CCDC149: variants seen among roughly 807,000 people sequenced by gnomAD.
The protein encoded by CCDC149 is coiled-coil domain-containing protein 149.
Under a neutral mutation model 59.9 loss-of-function variants are expected in CCDC149, and 45 were observed. The observed-to-expected ratio is 0.75, with a 90% confidence interval of 0.59 to 0.96. The LOEUF is 0.96. Ranked by LOEUF, CCDC149 falls within the 40% of genes least tolerant of loss-of-function variation. The probability of loss-of-function intolerance (pLI) is 0.00; values close to 1 mark genes in which losing one functional copy is unlikely to be tolerated. For synonymous variants in CCDC149, 245 were observed against 260.6 expected (o/e 0.94, Z 0.58); for missense variants, 584 against 664.7 (o/e 0.88, Z 1.33).
At chr4:24,962,006 C>G (rs1007189356) in intron 1 of CCDC149, among the ~76,000 whole-genome samples, 17 of 151,264 alleles carry the variant, frequency 1.1e-4, no homozygotes, top group Admixed American at 4.6e-4. Context: ...AAGAAACCAC[C>G]ATCAGAGTGA....
At chr4:24,899,109 G>A (rs893981395) in intron 1 of CCDC149, among the ~76,000 whole-genome samples, 1 of 152,182 alleles carries the variant, frequency 6.6e-6, no homozygotes, top group Admixed American at 6.5e-5. Context: ...ATGGAGGAAA[G>A]ATCTTCCTAG....
At chr4:24,905,410 CGTGCGTGTGTGTGTGTGTGT>C (rs1485477102) in intron 1 of CCDC149, among the ~76,000 whole-genome samples, 2 of 93,820 alleles carry the variant, frequency 2.1e-5, no homozygotes, top group East Asian at 3.6e-4. Flanking sequence ...TTTTTGCGTG[CGTGCGTGTGTGTGTGTGTGT>C]GTGTGTGTGT....
At chr4:24,929,281 G>A (rs989126017) in intron 1 of CCDC149, among the ~76,000 whole-genome samples, 1 of 152,164 alleles carries the variant, frequency 6.6e-6, no homozygotes, top group African/African-American at 2.4e-5. Context: ...CAGGGAGTGG[G>A]AATCGGCTCT....
intron 3 of CCDC149, among the ~76,000 whole-genome samples, chr4:24,868,690 G>A (rs970880454): frequency 1.3e-5 from 2 of 152,122 alleles, no homozygotes; most frequent in Non-Finnish European, 2.9e-5. Context: ...ATGAAGGGAC[G>A]GTCACTTTTG....
In CCDC149 at chr4:24,815,152, G is replaced by C. The variant is rs547763235; in HGVS notation, c.1192+4707C>G. On this transcript the variant is annotated intron_variant, in intron 12 of 12. Coordinates refer to ENST00000635206, the MANE Select transcript of CCDC149 (RefSeq NM_001330643.2). ...AATGCATGAATCCATGAATATATTA[G>C]TACATCTCTTTAAATACCATTCGTT... Among the ~76,000 whole-genome samples the C allele has an allele frequency of 1.4e-4, 22 of 152,298 alleles. No individual in the cohort carries two copies. The South Asian group carries it at 3.5e-3, about 24-fold the overall frequency.
chr4:24,921,752 G>T (rs1577486502), intron 1 of CCDC149, among the ~76,000 whole-genome samples: 1 of 152,330 alleles, frequency 6.6e-6, no homozygotes, highest in Middle Eastern at 3.4e-3. Flanking sequence ...GGAAAAGAAA[G>T]CTGAGGAGTT....
chr4:24,889,712 G>C (rs1307472850), intron 1 of CCDC149, among the ~76,000 whole-genome samples: 1 of 152,220 alleles, frequency 6.6e-6, no homozygotes, highest in Non-Finnish European at 1.5e-5. Context: ...TTCGGTTGCA[G>C]AGGGCTTTCC....
Position 24,880,573 on chromosome 4 carries a change from T to A in CCDC149, c.64-3876A>T, listed in dbSNP as rs558641544. ...TAATGACAGCTGTTAAAATGTCCCA[T>A]TTTTTATCCCTGTGATTGGAAACAA... is the stretch of plus-strand genomic sequence containing the variant. On this transcript the variant is annotated intron_variant, in intron 1 of 12. Transcript: ENST00000635206. Among the ~76,000 whole-genome samples the A allele has an allele frequency of 9.9e-5, 15 of 152,256 alleles. No homozygotes were observed. The South Asian group carries it at 3.1e-3, about 32-fold the overall frequency.
intron 1 of CCDC149, among the ~76,000 whole-genome samples, chr4:24,940,314 GAAAT>G (rs1450301315): frequency 1.7e-4 from 26 of 152,168 alleles, no homozygotes; most frequent in Admixed American, 4.6e-4. Flanking sequence ...AAGTGAAGGA[GAAAT>G]AAAATACTTT....
At chr4:24,914,382 C>T (rs1216315480), upstream of CCDC149, among the ~76,000 whole-genome samples, 59 of 60,032 alleles carry the variant, frequency 9.8e-4, no homozygotes, top group Non-Finnish European at 1.9e-3. Flanking sequence ...ACATGTGTTA[C>T]CAGAAAAAAA....
chr4:24,969,255 G>A (rs1264246294), intron 1 of CCDC149, among the ~76,000 whole-genome samples: 1 of 152,224 alleles, frequency 6.6e-6, no homozygotes, highest in African/African-American at 2.4e-5. Context: ...TCCAGCCACT[G>A]CTGAAGTCAC....
chr4:24,920,717 C>T (rs538787610), intron 1 of CCDC149, among the ~76,000 whole-genome samples: 7 of 152,222 alleles, frequency 4.6e-5, no homozygotes, highest in Non-Finnish European at 8.8e-5. Flanking sequence ...TGATTTTTAC[C>T]ACGAATTATT....
intron 3 of CCDC149, among the ~76,000 whole-genome samples, chr4:24,866,120 A>G (rs973081217): frequency 1.3e-5 from 2 of 152,186 alleles, no homozygotes; most frequent in African/African-American, 4.8e-5. Context: ...AGCTTGACCA[A>G]GGAGACTTTT....
intron 1 of CCDC149, among the ~76,000 whole-genome samples, chr4:24,942,030 T>G (rs1182844260): frequency 6.6e-6 from 1 of 152,230 alleles, no homozygotes; most frequent in African/African-American, 2.4e-5. Flanking sequence ...GAGGGAATGC[T>G]CCCTAACTCA....
chr4:24,949,329 A>G (rs1234756981), intron 1 of CCDC149, among the ~76,000 whole-genome samples: 5 of 151,274 alleles, frequency 3.3e-5, no homozygotes, highest in Non-Finnish European at 2.9e-5. Flanking sequence ...CCGTGCACAC[A>G]GTATGCCCCA....
intron 1 of CCDC149, among the ~76,000 whole-genome samples, chr4:24,909,090 A>G (rs1202123634): frequency 6.6e-6 from 1 of 152,202 alleles, no homozygotes; most frequent in Non-Finnish European, 1.5e-5. Flanking sequence ...GGCCTGAAAG[A>G]AGGCTGTAAT....
chr4:24,931,489 G>A (rs2075799097), intron 1 of CCDC149, among the ~76,000 whole-genome samples: 1 of 151,536 alleles, frequency 6.6e-6, no homozygotes, highest in African/African-American at 2.4e-5. Flanking sequence ...CCACCACTCA[G>A]GTACCCAGGC....
In CCDC149 at chr4:24,888,804, G is replaced by A. The variant is rs6833834; in HGVS notation, c.64-12107C>T. Among the ~76,000 whole-genome samples the A allele has an allele frequency of 9.1e-3, 1,377 of 152,088 alleles. 23 individuals carry two copies. Among genetic ancestry groups the A allele is most frequent in the African/African-American group, 0.032 (1,326 of 41,462 alleles). On this transcript the variant is annotated intron_variant, in intron 1 of 12. Transcript: ENST00000635206. ...CATCCTCCAATTGCAAGACTCCCTGGGCATTTCCACAGCCTTTTCTAAATC... is the reference window on the plus strand; with the variant it reads ...CATCCTCCAATTGCAAGACTCCCTGAGCATTTCCACAGCCTTTTCTAAATC...
rs181563416 is a variant in CCDC149 at position 24,886,436 on chromosome 4, A to G, written c.64-9739T>C. On this transcript the variant is annotated intron_variant, in intron 1 of 12. Coordinates refer to ENST00000635206, the MANE Select transcript of CCDC149 (RefSeq NM_001330643.2). ...TGTTCAAGGAGTCTCCAACAGCCTA[A>G]AGCAGATCATGAGGAGTCTTTGCCT... Among the ~76,000 whole-genome samples, 294 of 152,344 alleles carry G rather than the reference A, an allele frequency of 1.9e-3. 2 individuals carry two copies. Among genetic ancestry groups the G allele is most frequent in the African/African-American group, 6.7e-3 (280 of 41,584 alleles).
Sources: allele counts gnomAD v4.1 joint callset (sites outside exome capture counted in the v4.1 genomes callset), GRCh38; gene constraint gnomAD v4.1.1; transcripts MANE v1.5; gene names NCBI Gene and HGNC (gene_info 2026-07-23, HGNC 2026-07-21).